NXN: variants seen among roughly 807,000 people sequenced by gnomAD.
NXN encodes nucleoredoxin, also known as nucleoredoxin 1.
A neutral mutation model predicts 48.6 loss-of-function variants in NXN; 16 were observed. That is an observed-to-expected ratio of 0.33 (90% confidence interval 0.22 to 0.50). The LOEUF (loss-of-function observed/expected upper bound fraction) is 0.50. NXN is among the 20% of genes least tolerant of loss of function. NXN has a pLI of 0.98. For missense variants in NXN, 492 were observed against 605.5 expected (o/e 0.81, Z 1.97); for synonymous variants, 281 against 269.6 (o/e 1.04, Z -0.41).
chr17:907,028 G>C (rs895744261), intron 1 of NXN, among the ~76,000 whole-genome samples: 6 of 150,762 alleles, frequency 4.0e-5, no homozygotes, highest in Non-Finnish European at 7.4e-5. Flanking sequence ...CAAAAACAGC[G>C]AGAAACACAC....
chr17:842,433 G>T, intron 1 of NXN: 2 of 798,070 alleles, frequency 2.5e-6, no homozygotes, highest in Non-Finnish European at 3.0e-6. Flanking sequence ...CCGGCTGTGG[G>T]CTGCAGTTCC....
chr17:963,120 A>G (rs928433420), intron 1 of NXN, among the ~76,000 whole-genome samples: 2 of 151,922 alleles, frequency 1.3e-5, no homozygotes, highest in Admixed American at 1.3e-4. Flanking sequence ...CCTGAGACAG[A>G]AAAAGCAGCA....
chr17:964,145 G>A (rs186012695), intron 1 of NXN, among the ~76,000 whole-genome samples: 1 of 152,206 alleles, frequency 6.6e-6, no homozygotes, highest in Non-Finnish European at 1.5e-5. Flanking sequence ...GAAACATGGC[G>A]TATGAAGTCA....
rs372378674 is a variant in NXN at position 931,760 on chromosome 17, G to T, written c.360+47559C>A. ...TGAGGCAGGAGAATAGCATGAACCC[G>T]GGAGGCGGAGCTTGCAGTGAGCTGA... On this transcript the variant is annotated intron_variant, in intron 1 of 7. Coordinates refer to ENST00000336868, the MANE Select transcript of NXN (RefSeq NM_022463.5). Among the ~76,000 whole-genome samples, 4 of 149,464 alleles carry T rather than the reference G, an allele frequency of 2.7e-5. No homozygotes were observed. The East Asian group carries it at 8.0e-4, about 30-fold the overall frequency.
chr17:975,501 C>T (rs1007109130), intron 1 of NXN, among the ~76,000 whole-genome samples: 3 of 152,142 alleles, frequency 2.0e-5, no homozygotes, highest in African/African-American at 7.2e-5. Context: ...CCCAGAGCAG[C>T]CAGAGTGAGA....
intron 1 of NXN, among the ~76,000 whole-genome samples, chr17:861,472 G>A (rs951710513): frequency 6.6e-6 from 1 of 152,120 alleles, no homozygotes; most frequent in Non-Finnish European, 1.5e-5. Context: ...TAGAGGCAGT[G>A]AGAGGCCCAG....
At chr17:928,754 T>C (rs945491268) in intron 1 of NXN, among the ~76,000 whole-genome samples, 1 of 152,082 alleles carries the variant, frequency 6.6e-6, no homozygotes, top group East Asian at 1.9e-4. Context: ...GAGAATCGCT[T>C]GAACCCGGGA....
chr17:822,822 G>C (rs62067091), intron 3 of NXN, among the ~76,000 whole-genome samples: 25,305 of 152,140 alleles, frequency 0.17, 2,159 homozygotes, highest in Non-Finnish European at 0.17. Flanking sequence ...TATCCAGGCT[G>C]GGTGCAGTGG....
At chr17:862,333 T>C (rs191509379) in intron 1 of NXN, among the ~76,000 whole-genome samples, 9 of 152,216 alleles carry the variant, frequency 5.9e-5, no homozygotes, top group Admixed American at 2.6e-4. Flanking sequence ...TTCGGCAACA[T>C]AGTAAGACCC....
chr17:841,573 GAGCATCTCA>G lies in NXN; in HGVS notation c.361-15504_361-15496del, dbSNP rs1567827944. Among the ~76,000 whole-genome samples the G allele has an allele frequency of 6.0e-3, 775 of 128,566 alleles. 18 individuals carry two copies. Among genetic ancestry groups the G allele is most frequent in the Non-Finnish European group, 7.5e-3 (459 of 61,370 alleles). 84.3% of individuals were successfully genotyped at this position (128,566 alleles called of 152,430 possible). ...GGCGAGCAGGTCCCCCCTGACCACG[GAGCATCTCA>G]CGCCGGCGAGCAGGTCCCCCCGACC... is the stretch of plus-strand genomic sequence containing the variant. On this transcript the variant is annotated intron_variant, in intron 1 of 7. Coordinates refer to ENST00000336868, the MANE Select transcript of NXN (RefSeq NM_022463.5).
At chr17:888,438 A>C (rs2068372681) in intron 1 of NXN, among the ~76,000 whole-genome samples, 1 of 152,132 alleles carries the variant, frequency 6.6e-6, no homozygotes, top group Non-Finnish European at 1.5e-5. Flanking sequence ...CCAGTCTGGC[A>C]AAGAAATCCT....
At chr17:835,580 A>ATGCAGGAATGC (rs1293459352) in intron 1 of NXN, among the ~76,000 whole-genome samples, 1 of 152,208 alleles carries the variant, frequency 6.6e-6, no homozygotes, top group Non-Finnish European at 1.5e-5. Flanking sequence ...GCAGGCCAGA[A>ATGCAGGAATGC]ACGCTTCTAC....
rs140682011 is a variant in NXN, at chr17:958,628, A to G, written c.360+20691T>C. 0.013 allele frequency among the ~76,000 whole-genome samples: 1,945 copies of G among 152,150 alleles called. 47 individuals are homozygous for G. The highest frequency in any genetic ancestry group is 0.045 in the African/African-American group (1,850 of 41,484). ...TGTACTAAAAATACAAAAATTAGCC[A>G]GGCGTGGTGGCGTGCGCCTGTAGTC... On this transcript the variant is annotated intron_variant, in intron 1 of 7. Coordinates refer to ENST00000336868, the MANE Select transcript of NXN (RefSeq NM_022463.5). The surrounding 1 kb of genome is among the most constrained non-coding windows in gnomAD (Gnocchi z 6.9).
In NXN at chr17:979,460, C is replaced by A. The variant is rs1208010607; in HGVS notation, c.219G>T (p.Gly73=). The A allele has an allele frequency of 5.8e-6, 7 of 1,215,848 alleles. No homozygotes were observed. Among genetic ancestry groups the A allele is most frequent in the Middle Eastern group, 3.1e-4 (1 of 3,216 alleles). The allele number at this position is 1,215,848 out of a possible 1,614,324, so 75.3% of individuals were successfully genotyped here. The part of the protein sequence containing the change: ...DAAAGPGPGA[G]AGAAAEPEPR... ...GCTCGGGCTCCGCCGCCGCCCCGGCCCCCGCTCCCGGCCCCGGCCCGGCCG... is the reference window on the plus strand; with the variant it reads ...GCTCGGGCTCCGCCGCCGCCCCGGCACCCGCTCCCGGCCCCGGCCCGGCCG... The change falls in exon 1 of 8, where the codon GGG becomes GGT. Residue 73 remains glycine, a synonymous_variant. Transcript: ENST00000336868.
At chr17:822,281 GA>G in intron 4 of NXN, 75 bp downstream of exon 4, 13 of 1,076,848 alleles carry the variant, frequency 1.2e-5, no homozygotes, top group Non-Finnish European at 1.5e-5. Context: ...CTCTGTCTCA[GA>G]AAAAAAAGAA....
chr17:879,967 A>C (rs1307435967), intron 1 of NXN: 2 of 152,196 alleles, frequency 1.3e-5, no homozygotes, highest in Non-Finnish European at 2.9e-5. Context: ...ATGGAGCCCA[A>C]TTCATCCTGA....
intron 1 of NXN, among the ~76,000 whole-genome samples, chr17:840,529 C>T (rs967201534): frequency 1.1e-4 from 17 of 152,224 alleles, no homozygotes; most frequent in Non-Finnish European, 2.4e-4. Context: ...TTAGTAGAGA[C>T]AGGGTTTCAC....
At chr17:812,423 C>T (rs73285789) in intron 5 of NXN, among the ~76,000 whole-genome samples, 2,821 of 152,216 alleles carry the variant, frequency 0.019, 81 homozygotes, top group African/African-American at 0.064. Flanking sequence ...AGCTCTTCAG[C>T]GGGAGAGAAA....
chr17:952,077 G>T (rs867053935), intron 1 of NXN, among the ~76,000 whole-genome samples: 9 of 152,162 alleles, frequency 5.9e-5, no homozygotes, highest in African/African-American at 1.9e-4. Flanking sequence ...GGGGGCGGTG[G>T]TGGTTGTGGT....
Sources: allele counts gnomAD v4.1 joint callset (sites outside exome capture counted in the v4.1 genomes callset), GRCh38; gene constraint gnomAD v4.1.1; non-coding constraint Gnocchi (gnomAD v3.1); transcripts MANE v1.5; gene names NCBI Gene and HGNC (gene_info 2026-07-23, HGNC 2026-07-21).